ROBO2: variants seen among roughly 807,000 people sequenced by gnomAD.
ROBO2 encodes the protein roundabout guidance receptor 2.
Under a neutral mutation model 160.8 loss-of-function variants are expected in ROBO2, and 53 were observed. The observed-to-expected ratio is 0.33, with a 90% CI of 0.26 to 0.41. The LOEUF (loss-of-function observed/expected upper bound fraction) is 0.41. Ranked by LOEUF, ROBO2 falls within the 10% of genes least tolerant of loss-of-function variation. ROBO2 has a pLI of 1.00. For missense variants in ROBO2, 1,577 were observed against 1,722.4 expected (o/e 0.92, Z 1.49); for synonymous variants, 664 against 611.7 (o/e 1.09, Z -1.26).
chr3:77,443,877 C>G (rs1272450459), intron 2 of ROBO2, among the ~76,000 whole-genome samples: 1 of 152,080 alleles, frequency 6.6e-6, no homozygotes, highest in Non-Finnish European at 1.5e-5. Context: ...CAGAGCCCCT[C>G]CCTCCTACCA....
intron 2 of ROBO2, among the ~76,000 whole-genome samples, chr3:77,019,201 G>C (rs948037241): frequency 5.9e-5 from 9 of 152,050 alleles, no homozygotes; most frequent in Admixed American, 2.0e-4. Context: ...TCACAGCTCT[G>C]GGGGCAGGAA....
intron 17 of ROBO2, 148 bp from the exon 19 acceptor site, chr3:77,594,994 T>C: frequency 1.6e-6 from 1 of 616,606 alleles, no homozygotes; most frequent in Non-Finnish European, 2.9e-6. Context: ...CACTGCTTGT[T>C]ACTCTCTGTA....
chr3:75,928,230 C>T (rs1477265312), intron 1 of ROBO2, among the ~76,000 whole-genome samples: 3 of 151,348 alleles, frequency 2.0e-5, no homozygotes, highest in Admixed American at 6.6e-5. Context: ...GTGATCCACA[C>T]GCCTCGACCT....
exon 5 of ROBO2, chr3:77,493,274 A>G: frequency 6.2e-7 from 1 of 1,613,952 alleles, no homozygotes. Flanking sequence ...AGGCCAATTA[A>G]CCAGGTGGTA....
chr3:76,041,044 A>G (rs2067256701), intron 2 of ROBO2, among the ~76,000 whole-genome samples: 1 of 152,030 alleles, frequency 6.6e-6, no homozygotes, highest in Non-Finnish European at 1.5e-5. Context: ...TATTACAAGT[A>G]TGTAGATTTC....
At chr3:76,587,524 G>C (rs1204619124) in intron 2 of ROBO2, among the ~76,000 whole-genome samples, 1 of 152,068 alleles carries the variant, frequency 6.6e-6, no homozygotes, top group African/African-American at 2.4e-5. Context: ...AGTGAAGGGG[G>C]AAGTCCCTTA....
At chr3:76,979,253 T>C (rs991765732) in intron 2 of ROBO2, among the ~76,000 whole-genome samples, 1 of 151,860 alleles carries the variant, frequency 6.6e-6, no homozygotes, top group Non-Finnish European at 1.5e-5. Flanking sequence ...CCAAGTGTAG[T>C]TTTTTTTACT....
chr3:76,056,669 T>A (rs908134593), intron 2 of ROBO2, among the ~76,000 whole-genome samples: 1 of 152,232 alleles, frequency 6.6e-6, no homozygotes, highest in Non-Finnish European at 1.5e-5. Context: ...TTGAGTCTTG[T>A]AACATTCTGA....
intron 2 of ROBO2, among the ~76,000 whole-genome samples, chr3:76,160,021 T>TGGTAAAGCTTTCCAAGGTGTTTTTC (rs1376259752): frequency 2.0e-5 from 3 of 152,160 alleles, no homozygotes; most frequent in African/African-American, 7.2e-5. Flanking sequence ...AAAGACTCCC[T>TGGTAAAGCTTTCCAAGGTGTTTTTC]GGTAAAGCTT....
At chr3:75,973,643 T>A (rs2065054532) in intron 2 of ROBO2, among the ~76,000 whole-genome samples, 1 of 151,340 alleles carries the variant, frequency 6.6e-6, no homozygotes, top group East Asian at 2.0e-4. Context: ...TAATGGAAAT[T>A]TTGAAAAAAC....
chr3:76,318,804 TA>T (rs1185287838), intron 2 of ROBO2, among the ~76,000 whole-genome samples: 2 of 152,162 alleles, frequency 1.3e-5, no homozygotes, highest in East Asian at 3.9e-4. Context: ...GGAAAAAATA[TA>T]AAGTTTAGTT....
chr3:77,309,165 A>T (rs919901167), intron 2 of ROBO2, among the ~76,000 whole-genome samples: 5 of 151,972 alleles, frequency 3.3e-5, no homozygotes, highest in African/African-American at 7.3e-5. Context: ...AAGAAAACTT[A>T]ATTTATTTTC....
At chr3:76,086,015 G>C (rs1471522261) in intron 2 of ROBO2, among the ~76,000 whole-genome samples, 1 of 152,128 alleles carries the variant, frequency 6.6e-6, no homozygotes, top group Admixed American at 6.6e-5. Context: ...TAACCGTTTG[G>C]GGTATTGTCA....
chr3:77,463,043 G>T (rs2082402058), intron 2 of ROBO2, among the ~76,000 whole-genome samples: 1 of 152,064 alleles, frequency 6.6e-6, no homozygotes, highest in Non-Finnish European at 1.5e-5. Context: ...TTTGAGTTAG[G>T]TATGGTAACT....
chr3:77,344,337 A>G (rs2067392681), intron 2 of ROBO2, among the ~76,000 whole-genome samples: 1 of 152,218 alleles, frequency 6.6e-6, no homozygotes, highest in African/African-American at 2.4e-5. Context: ...GATGCAATGG[A>G]CTGAACATTT....
At chr3:76,978,906 G>A (rs1019170281) in intron 2 of ROBO2, among the ~76,000 whole-genome samples, 1 of 150,934 alleles carries the variant, frequency 6.6e-6, no homozygotes, top group Non-Finnish European at 1.5e-5. Flanking sequence ...GAGTACAAGT[G>A]CAGTTTTAGA....
At chr3:75,937,713 C>A in intron 2 of ROBO2, 1 of 596,626 alleles carries the variant, frequency 1.7e-6, no homozygotes, top group Non-Finnish European at 2.7e-6. Context: ...TAATTTTCCC[C>A]CAGGTTTTTG....
At chr3:77,147,334 AG>A (rs2077200806) in intron 2 of ROBO2, among the ~76,000 whole-genome samples, 1 of 152,102 alleles carries the variant, frequency 6.6e-6, no homozygotes, top group Non-Finnish European at 1.5e-5. Context: ...TGCCCACTTG[AG>A]GGGGCCCTAA....
chr3:76,069,223 G>A (rs1433462332), intron 2 of ROBO2, among the ~76,000 whole-genome samples: 1 of 152,126 alleles, frequency 6.6e-6, no homozygotes, highest in African/African-American at 2.4e-5. Flanking sequence ...TTGCAAAATT[G>A]ACTTTCTGAT....
Sources: gnomAD v4.1 joint callset for allele counts (sites outside exome capture counted in the v4.1 genomes callset) on GRCh38, gnomAD v4.1.1 for gene constraint, MANE v1.5 for transcripts, NCBI Gene and HGNC (gene_info 2026-07-23, HGNC 2026-07-21) for gene names.